The following ABCC3 variants were observed in gnomAD, a reference collection of about 807,000 sequenced individuals.
ABCC3 encodes the protein ATP binding cassette subfamily C member 3.
ABCC3 carries 121 observed loss-of-function variants against 165.3 expected under a neutral mutation model. The ratio of observed to expected loss-of-function variants is 0.73; its 90% CI spans 0.63 to 0.85. ABCC3 has a LOEUF of 0.85. Among genes scored for constraint, ABCC3 ranks in the 40% least tolerant of loss-of-function variants. The pLI is 0.00. For synonymous variants in ABCC3, 733 were observed against 810.1 expected (o/e 0.90, Z 1.62); for missense variants, 1,869 against 1,964.1 (o/e 0.95, Z 0.92).
intron 1 of ABCC3, among the ~76,000 whole-genome samples, chr17:50,638,474 C>T (rs139668606): frequency 9.2e-4 from 140 of 152,214 alleles, no homozygotes; most frequent in African/African-American, 3.1e-3. Flanking sequence ...GGCGGAGATG[C>T]TGGAGAGAGG....
rs1426319363 is a variant in ABCC3, at chr17:50,667,741, T to C, written c.1619T>C (p.Met540Thr). 6.2e-7 allele frequency: 1 copy of C among 1,614,114 alleles called. No homozygotes were observed. Among genetic ancestry groups the C allele is most frequent in the South Asian group, 1.1e-5 (1 of 91,088 alleles). Residue 540 changes from methionine to threonine, a missense_variant, in exon 12 of 31, where the codon ATG (methionine) becomes ACG (threonine). Coordinates refer to ENST00000285238, the MANE Select transcript of ABCC3 (RefSeq NM_003786.4). ...CACACCACAACCACCTTCACCTGGA[T>C]GTGCAGCCCCTTCCTGGTGAGGCTT... ...YLHTTTTFTW[M>T]CSPFLVTLIT...
intron 19 of ABCC3, among the ~76,000 whole-genome samples, chr17:50,673,978 TTCTCTCTCTCTCTCTCTCTCTC>T (rs1281173726): frequency 1.1e-4 from 1 of 8,998 alleles, no homozygotes; most frequent in African/African-American, 4.5e-4. Flanking sequence ...CTTTCTTTCT[TTCTCTCTCTCTCTCTCTCTCTC>T]TCTCTCTCTC....
At position 50,676,403 on chromosome 17, in the gene ABCC3, T is replaced by C; in HGVS notation, c.3193T>C (p.Ser1065Pro). Residue 1065 changes from serine (S) to proline (P), a missense_variant, in exon 23 of 31, where the codon TCA becomes CCA. Ser to Pro is a moderately conservative substitution (Grantham distance 74, BLOSUM62 -1). Coordinates refer to ENST00000285238, the MANE Select transcript of ABCC3 (RefSeq NM_003786.4). ...ACAGTCCTTCTTTGACACCACACCA[T>C]CAGGCCGCATCCTGAACTGCTTCTC... ...SPQSFFDTTP[S>P]GRILNCFSKD... 6.2e-7 allele frequency: 1 copy of C among 1,614,180 alleles called. No homozygotes were observed. Among genetic ancestry groups the C allele is most frequent in the Non-Finnish European group, 8.5e-7 (1 of 1,180,034 alleles).
At chr17:50,673,937 TTTC>T in intron 19 of ABCC3, among the ~76,000 whole-genome samples, 1 of 15,534 alleles carries the variant, frequency 6.4e-5, no homozygotes, top group South Asian at 2.7e-3. Flanking sequence ...TCTTTCTTTC[TTTC>T]TTTCTTTCTT....
chr17:50,674,989 G>A (rs565312552), intron 19 of ABCC3, among the ~76,000 whole-genome samples: 2 of 151,514 alleles, frequency 1.3e-5, no homozygotes, highest in African/African-American at 2.4e-5. Flanking sequence ...TAGTAGAGAC[G>A]GGGTTTCACC....
At chr17:50,690,826 G>A (rs1041739566) in intron 30 of ABCC3, among the ~76,000 whole-genome samples, 5 of 152,244 alleles carry the variant, frequency 3.3e-5, no homozygotes, top group Non-Finnish European at 7.3e-5. Context: ...GCAAGGGGAA[G>A]GGCTCATTAG....
chr17:50,678,917 C>T (rs1967879837), intron 25 of ABCC3: 2 of 150,060 alleles, frequency 1.3e-5, no homozygotes, highest in South Asian at 2.1e-4. Flanking sequence ...GAGACTCCAT[C>T]TCAAGAGAGA....
In ABCC3 at chr17:50,662,852, G is replaced by A. The variant is rs571486074; in HGVS notation, c.999-829G>A. On this transcript the variant is annotated intron_variant, in intron 8 of 30. Coordinates refer to ENST00000285238, the MANE Select transcript of ABCC3 (RefSeq NM_003786.4). ...TATGGCTGGAGGGCTCCATGTAGTC[G>A]AGAGGAGAGTGTCCCAACAATGAAG... Among the ~76,000 whole-genome samples, 13 of 152,180 alleles carry A rather than the reference G, an allele frequency of 8.5e-5. No individual in the cohort carries two copies. In the South Asian group the frequency reaches 2.3e-3, roughly 27 times the overall value.
rs1567829730 is a variant in ABCC3, at chr17:50,659,324, G to C, written c.762G>C (p.Gln254His). Residue 254 changes from glutamine to histidine, a missense_variant, in exon 7 of 31, where the codon CAG (glutamine) becomes CAC (histidine). Coordinates refer to ENST00000285238, the MANE Select transcript of ABCC3 (RefSeq NM_003786.4). ...AGGACAGATCCCAGATGGTGGTGCA[G>C]CAGCTGCTGGAGGCATGGAGGAAGC... ...KEEDRSQMVVQQLLEAWRKQE... is the reference protein window; with the variant it reads ...KEEDRSQMVVHQLLEAWRKQE... 1 of 1,613,286 alleles carries C rather than the reference G, an allele frequency of 6.2e-7. No individual in the cohort carries two copies. Among genetic ancestry groups the C allele is most frequent in the East Asian group, 2.2e-5 (1 of 44,858 alleles).
chr17:50,683,297 C>T (rs1364380553), intron 26 of ABCC3, among the ~76,000 whole-genome samples: 1 of 150,618 alleles, frequency 6.6e-6, no homozygotes, highest in Non-Finnish European at 1.5e-5. Flanking sequence ...TCGCTGGAAC[C>T]CAGGAGTTCA....
In ABCC3 at chr17:50,637,887, C is replaced by T. The variant is rs549615520; in HGVS notation, c.45+2906C>T. On this transcript the variant is annotated intron_variant, in intron 1 of 30. Coordinates refer to ENST00000285238, the MANE Select transcript of ABCC3 (RefSeq NM_003786.4). Reference sequence around the variant, plus strand: ...GCTGTCGGGCCAGTGGCTCCCATTTCAGCTGTTTGCTGGGGAGCTGGGAGC... The same window carrying T: ...GCTGTCGGGCCAGTGGCTCCCATTTTAGCTGTTTGCTGGGGAGCTGGGAGC... Among the ~76,000 whole-genome samples, 10 of 152,258 alleles carry T rather than the reference C, an allele frequency of 6.6e-5. No individual in the cohort carries two copies. In the East Asian group the frequency reaches 1.9e-3, roughly 29 times the overall value.
chr17:50,659,132 C>G, intron 6 of ABCC3, 105 bp from the exon 7 acceptor site: 1 of 1,401,150 alleles, frequency 7.1e-7, no homozygotes, highest in Non-Finnish European at 9.8e-7. Flanking sequence ...GAGGGAGACC[C>G]TCCTTTCTGG....
chr17:50,668,748 C>A, intron 14 of ABCC3, 105 bp from the exon 15 acceptor site: 1 of 971,138 alleles, frequency 1.0e-6, no homozygotes, highest in Non-Finnish European at 1.6e-6. Flanking sequence ...CTCCCCATGG[C>A]CCAGGCTCCT....
At chr17:50,655,128 G>T (rs1400468476) in intron 1 of ABCC3, among the ~76,000 whole-genome samples, 1 of 74 alleles carries the variant, frequency 0.014, no homozygotes, top group African/African-American at 0.042. Context: ...AAGAGTGAGG[G>T]CCAGGCGCAG....
intron 17 of ABCC3, among the ~76,000 whole-genome samples, chr17:50,671,715 T>TCC (rs1405284440): frequency 1.5e-5 from 2 of 132,310 alleles, no homozygotes; most frequent in African/African-American, 5.6e-5. Flanking sequence ...TTTTTTTTTT[T>TCC]TTTTTTTTTT....
intron 26 of ABCC3, among the ~76,000 whole-genome samples, chr17:50,680,561 C>A (rs550132322): frequency 1.3e-5 from 2 of 152,202 alleles, no homozygotes; most frequent in Admixed American, 6.5e-5. Flanking sequence ...TCTGCCTTCA[C>A]TGGGACTCCC....
At chr17:50,673,226 C>G in intron 18 of ABCC3, 88 bp downstream of exon 18, 2 of 1,530,596 alleles carry the variant, frequency 1.3e-6, no homozygotes, top group Non-Finnish European at 8.9e-7. Flanking sequence ...TTGGATGAGA[C>G]TTGGAGGTGT....
chr17:50,675,996 G>A lies in ABCC3; in HGVS notation c.2973G>A (p.Trp991Ter), dbSNP rs200676222. The part of the protein sequence containing the change: ...QSAAAIGANV[W>*]LSAWTNDAMA... The stretch of plus-strand genomic sequence containing the variant: ...CGGCTGCCATTGGAGCCAATGTGTG[G>A]CTCAGTGCCTGGACAAATGATGCCA... The change falls in exon 22 of 31, where the codon TGG becomes TGA. Residue 991 changes from tryptophan (W) to a stop codon, truncating the protein, a stop_gained. Transcript: ENST00000285238. LOFTEE classifies it high-confidence loss of function. 1 of 1,614,196 alleles carries A rather than the reference G, an allele frequency of 6.2e-7. No individual in the cohort carries two copies. Among genetic ancestry groups the A allele is most frequent in the Non-Finnish European group, 8.5e-7 (1 of 1,180,030 alleles).
At position 50,672,965 on chromosome 17, in the gene ABCC3, C is replaced by T. The variant is rs369960891; in HGVS notation, c.2242-6C>T. 6.2e-7 allele frequency: 1 copy of T among 1,613,276 alleles called. No individual in the cohort carries two copies. Among genetic ancestry groups the T allele is most frequent in the Non-Finnish European group, 8.5e-7 (1 of 1,179,894 alleles). On this transcript the variant is annotated splice_region_variant and splice_polypyrimidine_tract_variant and intron_variant, in intron 17 of 30. Coordinates refer to ENST00000285238, the MANE Select transcript of ABCC3 (RefSeq NM_003786.4). Reference sequence around the variant, plus strand: ...CCCATTTTTCCCACCCCCCGCCTCCCTCCAGGGCATTAACCTGTCTGGGGG... The same window carrying T: ...CCCATTTTTCCCACCCCCCGCCTCCTTCCAGGGCATTAACCTGTCTGGGGG...
Sources: allele counts gnomAD v4.1 joint callset (sites outside exome capture counted in the v4.1 genomes callset), GRCh38; gene constraint gnomAD v4.1.1; transcripts MANE v1.5; gene names NCBI Gene and HGNC (gene_info 2026-07-23, HGNC 2026-07-21).